Variants in SEPTIN6 observed in about 807,000 individuals in gnomAD.
SEPTIN6 encodes septin-6.
A neutral mutation model predicts 33.6 loss-of-function variants in SEPTIN6; 8 were observed. That is an observed-to-expected ratio of 0.24 (90% CI 0.14 to 0.43). SEPTIN6 has a LOEUF of 0.43. Ranked by LOEUF, SEPTIN6 falls within the 20% of genes least tolerant of loss-of-function variation. The pLI, the probability that SEPTIN6 is intolerant of heterozygous loss-of-function variation, is 1.00. For synonymous variants in SEPTIN6, 131 were observed against 140.0 expected (o/e 0.94, Z 0.45); for missense variants, 250 against 340.8 (o/e 0.73, Z 2.10).
chrX:119,683,320 CT>C (rs2054997658), intron 1 of SEPTIN6, among the ~76,000 whole-genome samples: 1 of 112,263 alleles, frequency 8.9e-6, no homozygotes, highest in Non-Finnish European at 1.9e-5. Flanking sequence ...ACCGGACTCT[CT>C]TCAGTCACCT....
chrX:119,663,677 C>T lies in SEPTIN6; in HGVS notation c.146G>A (p.Gly49Glu). ...GGTGGACTTGCCCAAACCTGTCTCT[C>T]CTGAAAAGCAAAAGGATAAATTATG... ...QGFCFNILCV[G>E]ETGLGKSTLM... Residue 49 changes from glycine to glutamate, a missense_variant and splice_region_variant, in exon 3 of 11, where the codon GGA (glycine) becomes GAA (glutamate). Coordinates refer to ENST00000394610, the MANE Select transcript of SEPTIN6 (RefSeq NM_145799.4). 2 of 1,196,924 alleles carry T rather than the reference C, an allele frequency of 1.7e-6. No homozygotes were observed. The highest frequency in any genetic ancestry group is 2.3e-6 in the Non-Finnish European group (2 of 885,686).
chrX:119,616,820 G>T, downstream of SEPTIN6: 1 of 1,077,151 alleles, frequency 9.3e-7, no homozygotes, highest in South Asian at 2.0e-5. Flanking sequence ...ACAGGGGGAG[G>T]GGAATGGGCA....
At chrX:119,622,204 T>C (rs181553622) in intron 10 of SEPTIN6, among the ~76,000 whole-genome samples, 8 of 112,033 alleles carry the variant, frequency 7.1e-5, no homozygotes, top group African/African-American at 1.9e-4. Flanking sequence ...TATTTTGATG[T>C]GTGTATACTA....
At chrX:119,677,545 G>A (rs910766926) in intron 1 of SEPTIN6, among the ~76,000 whole-genome samples, 1 of 112,661 alleles carries the variant, frequency 8.9e-6, no homozygotes, top group African/African-American at 3.2e-5. Flanking sequence ...AGAAGGGCAC[G>A]GTTAGTGCCA....
chrX:119,665,237 G>A (rs1401353532), intron 2 of SEPTIN6, among the ~76,000 whole-genome samples: 2 of 109,108 alleles, frequency 1.8e-5, no homozygotes, highest in Admixed American at 2.0e-4. Context: ...CCAGGTAGCT[G>A]GGATTACAGG....
Position 119,692,797 on chromosome X carries a change from G to GCGGTGGCGCTCA in SEPTIN6, c.30+267_30+278dup, listed in dbSNP as rs778964549. 3.8e-3 allele frequency among the ~76,000 whole-genome samples: 429 copies of GCGGTGGCGCTCA among 112,537 alleles called. 3 individuals are homozygous for GCGGTGGCGCTCA. Among genetic ancestry groups the GCGGTGGCGCTCA allele is most frequent in the Admixed American group, 0.037 (399 of 10,792 alleles). On this transcript the variant is annotated intron_variant, in intron 1 of 10. Transcript: ENST00000394610. ...TGGGGCCGCAGCTGCAGCGAGGGAGGCGGTGGCGCTCACTGCGGCTCTTGG... is the reference window on the plus strand; with the variant it reads ...TGGGGCCGCAGCTGCAGCGAGGGAGGCGGTGGCGCTCACGGTGGCGCTCACTGCGGCTCTTGG...
intron 4 of SEPTIN6, among the ~76,000 whole-genome samples, chrX:119,652,248 G>A (rs939086822): frequency 7.2e-5 from 8 of 111,213 alleles, no homozygotes; most frequent in Non-Finnish European, 1.3e-4. Flanking sequence ...GGAAGACAAC[G>A]CCTGATTCCC....
chrX:119,645,136 G>A (rs1423151892), intron 5 of SEPTIN6, among the ~76,000 whole-genome samples: 1 of 108,667 alleles, frequency 9.2e-6, no homozygotes, highest in Non-Finnish European at 1.9e-5. Context: ...TTGAACTCCT[G>A]ACCTTGGGTG....
chrX:119,653,983 C>T (rs1196192245), intron 3 of SEPTIN6, among the ~76,000 whole-genome samples: 2 of 111,393 alleles, frequency 1.8e-5, no homozygotes, highest in South Asian at 3.8e-4. Context: ...GCAGGAGAAT[C>T]GCTTGAACCC....
At chrX:119,691,682 T>C (rs754436766) in intron 1 of SEPTIN6, among the ~76,000 whole-genome samples, 30 of 112,286 alleles carry the variant, frequency 2.7e-4, no homozygotes, top group African/African-American at 9.7e-4. Flanking sequence ...ACATATTCTG[T>C]AGAGAAAATA....
chrX:119,684,220 T>C (rs905523010), intron 1 of SEPTIN6, among the ~76,000 whole-genome samples: 2 of 111,659 alleles, frequency 1.8e-5, no homozygotes, highest in South Asian at 3.6e-4. Flanking sequence ...TCTGGGAATA[T>C]AGGCGTGAGC....
In SEPTIN6 at chrX:119,620,520, C is replaced by T. The variant is rs578240533; in HGVS notation, c.*42-469G>A. ...ATTTTTAGTAGAGACGGGGTTTCAC[C>T]GTGTTAGCCAGGATGGTCTCGATCT... On this transcript the variant is annotated intron_variant, in intron 10 of 10. Transcript: ENST00000394610. Among the ~76,000 whole-genome samples, 263 of 109,767 alleles carry T rather than the reference C, an allele frequency of 2.4e-3. 1 individual carries two copies. The highest frequency in any genetic ancestry group is 4.0e-3 in the Non-Finnish European group (213 of 52,650).
At chrX:119,669,255 T>C (rs1471805851) in intron 2 of SEPTIN6, among the ~76,000 whole-genome samples, 1 of 112,928 alleles carries the variant, frequency 8.9e-6, no homozygotes, top group African/African-American at 3.2e-5. Context: ...GTTCATTCAG[T>C]CATTCAACGA....
intron 2 of SEPTIN6, among the ~76,000 whole-genome samples, chrX:119,670,560 C>CAAAAAAAAA (rs764828469): frequency 2.5e-5 from 1 of 39,589 alleles, no homozygotes. Context: ...GACTCTGTCT[C>CAAAAAAAAA]AAAAAAAAAA....
At chrX:119,690,682 C>T (rs138764551) in intron 1 of SEPTIN6, among the ~76,000 whole-genome samples, 2,752 of 96,231 alleles carry the variant, frequency 0.029, 114 homozygotes, top group African/African-American at 0.1. Context: ...GAGATCATGC[C>T]ACTTGCACTC....
chrX:119,646,293 A>G (rs1394774562), intron 5 of SEPTIN6, among the ~76,000 whole-genome samples: 1 of 111,195 alleles, frequency 9.0e-6, no homozygotes, highest in Non-Finnish European at 1.9e-5. Context: ...GGGTCTTCCT[A>G]TGACCCTACT....
At position 119,619,410 on chromosome X, in the gene SEPTIN6, AGTTGT is replaced by A. The variant is rs1422388996; in HGVS notation, c.*678_*682del. On this transcript the variant is annotated 3_prime_UTR_variant, in exon 11 of 11. Coordinates refer to ENST00000394610, the MANE Select transcript of SEPTIN6 (RefSeq NM_145799.4). The stretch of plus-strand genomic sequence containing the variant: ...GGAAACGTCTGCTATTTTCTTCAGC[AGTTGT>A]GTTTTATGGGAAGGGCTTGGTGTAA... 1.2e-6 allele frequency: 1 copy of A among 813,556 alleles called. No homozygotes were observed. The highest frequency in any genetic ancestry group is 6.6e-5 in the East Asian group (1 of 15,139). 67.0% of individuals were successfully genotyped at this position (813,556 alleles called of 1,213,427 possible). A position where few individuals can be genotyped will look rare whatever the true frequency, so the allele number is the denominator to read the frequency against.
chrX:119,663,766 C>T (rs182201591), intron 2 of SEPTIN6, 89 bp from the exon 3 acceptor site: 231 of 715,859 alleles, frequency 3.2e-4, no homozygotes, highest in Middle Eastern at 2.8e-3. Flanking sequence ...TTTGTTGACA[C>T]GGGAAAATGA....
intron 9 of SEPTIN6, among the ~76,000 whole-genome samples, chrX:119,627,511 T>A (rs998348386): frequency 9.0e-6 from 1 of 110,899 alleles, no homozygotes; most frequent in African/African-American, 3.3e-5. Flanking sequence ...TACACTGGCA[T>A]CTGAGGGCTC....
Sources: allele counts gnomAD v4.1 joint callset (sites outside exome capture counted in the v4.1 genomes callset), GRCh38; gene constraint gnomAD v4.1.1; transcripts MANE v1.5; gene names NCBI Gene and HGNC (gene_info 2026-07-23, HGNC 2026-07-21).